PLAAT3: variants seen among roughly 807,000 people sequenced by gnomAD.
PLAAT3 encodes phospholipase A and acyltransferase 3.
In PLAAT3, 21 loss-of-function variants were observed where a neutral mutation model predicts 16.7. The observed-to-expected ratio is 1.26, with a 90% CI of 0.89 to 1.81. The LOEUF (loss-of-function observed/expected upper bound fraction) is 1.81, where lower values mean the gene tolerates loss of function less well. Among genes scored for constraint, PLAAT3 ranks in the 40% most tolerant of loss-of-function variants. The probability of loss-of-function intolerance (pLI) is 0.00; values close to 1 mark genes in which losing one functional copy is unlikely to be tolerated. For missense variants in PLAAT3, 219 were observed against 213.7 expected (o/e 1.02, Z -0.16); for synonymous variants, 76 against 81.7 (o/e 0.93, Z 0.38).
intron 3 of PLAAT3, among the ~76,000 whole-genome samples, chr11:63,596,687 T>C (rs1938296388): frequency 6.6e-6 from 1 of 151,886 alleles, no homozygotes; most frequent in South Asian, 2.1e-4. Context: ...CATGTCAAAC[T>C]GTAATCCCCA....
At position 63,580,970 on chromosome 11, in the gene PLAAT3, G is replaced by C. The variant is rs574492835; in HGVS notation, c.388-5924C>G. ...AATACTTTCATAACTTCTTACACCT[G>C]TCTTTACTGCAATCTCTGAACACAA... On this transcript the variant is annotated intron_variant, in intron 4 of 4. Coordinates refer to ENST00000415826, the MANE Select transcript of PLAAT3 (RefSeq NM_001128203.2). Among the ~76,000 whole-genome samples, 3 of 152,322 alleles carry C rather than the reference G, an allele frequency of 2.0e-5. No individual in the cohort carries two copies. In the South Asian group the frequency reaches 6.2e-4, roughly 32 times the overall value.
At chr11:63,607,065 C>G (rs1938586247) in intron 2 of PLAAT3, among the ~76,000 whole-genome samples, 1 of 152,008 alleles carries the variant, frequency 6.6e-6, no homozygotes, top group Non-Finnish European at 1.5e-5. Context: ...GCTGGATCTC[C>G]TTTGAAGCTG....
At chr11:63,577,167 C>CTT (rs773068565) in intron 4 of PLAAT3, among the ~76,000 whole-genome samples, 3 of 139,486 alleles carry the variant, frequency 2.2e-5, no homozygotes, top group South Asian at 4.6e-4. Flanking sequence ...GGCAAGTGCA[C>CTT]TTTTTTTTTT....
chr11:63,577,038 C>T (rs1285879725), intron 4 of PLAAT3, among the ~76,000 whole-genome samples: 1 of 152,116 alleles, frequency 6.6e-6, no homozygotes, highest in Non-Finnish European at 1.5e-5. Context: ...AATTTAAAAA[C>T]CTAGGGCAAC....
chr11:63,589,545 C>T (rs752678535), intron 4 of PLAAT3, among the ~76,000 whole-genome samples: 13 of 152,018 alleles, frequency 8.6e-5, no homozygotes, highest in Non-Finnish European at 5.9e-5. Flanking sequence ...AAACTGCATC[C>T]CCTAGGGTCT....
At chr11:63,586,074 A>G (rs1937964594) in intron 4 of PLAAT3, among the ~76,000 whole-genome samples, 1 of 152,022 alleles carries the variant, frequency 6.6e-6, no homozygotes, top group Non-Finnish European at 1.5e-5. Context: ...AAAATCAGCC[A>G]GGCATGGTGA....
chr11:63,581,175 C>T (rs1472965864), intron 4 of PLAAT3, among the ~76,000 whole-genome samples: 1 of 152,158 alleles, frequency 6.6e-6, no homozygotes, highest in African/African-American at 2.4e-5. Flanking sequence ...GAAATCAGTG[C>T]ACCCTGAAAA....
At chr11:63,577,059 A>G (rs1384525019) in intron 4 of PLAAT3, among the ~76,000 whole-genome samples, 1 of 152,246 alleles carries the variant, frequency 6.6e-6, no homozygotes, top group Non-Finnish European at 1.5e-5. Flanking sequence ...AACATTTAAC[A>G]AACAGACATT....
chr11:63,603,873 C>A (rs900550355), intron 2 of PLAAT3, among the ~76,000 whole-genome samples: 2 of 152,088 alleles, frequency 1.3e-5, no homozygotes, highest in African/African-American at 2.4e-5. Flanking sequence ...ATTTTTAGGC[C>A]GGGCACAGTG....
At chr11:63,601,025 AAAAT>A (rs945122859) in intron 2 of PLAAT3, among the ~76,000 whole-genome samples, 2 of 150,744 alleles carry the variant, frequency 1.3e-5, no homozygotes, top group Non-Finnish European at 2.9e-5. Context: ...CTAAATTTTA[AAAAT>A]AAATAAAAAT....
intron 4 of PLAAT3, among the ~76,000 whole-genome samples, chr11:63,589,279 G>T (rs1217581935): frequency 6.6e-6 from 1 of 151,696 alleles, no homozygotes; most frequent in South Asian, 2.1e-4. Context: ...GAAGAAATTG[G>T]ATCTCAAAAA....
rs1055559858 is a variant in PLAAT3, at chr11:63,606,764, C to T, written c.15+7236G>A. ...AGGAGGCCAACGAGGCCGGAGTAGG[C>T]GTGCGGGGAGGGCAGAGGGTGGGAA... On this transcript the variant is annotated intron_variant, in intron 2 of 4. Coordinates refer to ENST00000415826, the MANE Select transcript of PLAAT3 (RefSeq NM_001128203.2). Among the ~76,000 whole-genome samples the T allele has an allele frequency of 3.3e-5, 5 of 151,184 alleles. No homozygotes were observed. The South Asian group carries it at 6.5e-4, about 20-fold the overall frequency.
upstream of PLAAT3, among the ~76,000 whole-genome samples, chr11:63,615,080 GTA>G (rs1565259622): frequency 1.1e-3 from 4 of 3,556 alleles, no homozygotes; most frequent in East Asian, 0.1. Flanking sequence ...ATATATGTGT[GTA>G]TATATGTGTA....
intron 2 of PLAAT3, among the ~76,000 whole-genome samples, chr11:63,607,222 C>T (rs1403643225): frequency 6.6e-6 from 1 of 152,180 alleles, no homozygotes; most frequent in African/African-American, 2.4e-5. Context: ...GGCACTCACG[C>T]TGGGCAGCGG....
At chr11:63,589,610 C>T (rs923426316) in intron 4 of PLAAT3, among the ~76,000 whole-genome samples, 5 of 152,152 alleles carry the variant, frequency 3.3e-5, no homozygotes, top group African/African-American at 4.8e-5. Context: ...TTTATAAGCA[C>T]GATCAGGCTA....
At chr11:63,597,391 G>A (rs1048862848) in intron 3 of PLAAT3, among the ~76,000 whole-genome samples, 1 of 152,020 alleles carries the variant, frequency 6.6e-6, no homozygotes, top group African/African-American at 2.4e-5. Flanking sequence ...AGGTGTGGTG[G>A]CAGGCACCTG....
At chr11:63,598,788 G>C in intron 2 of PLAAT3, 1 of 499,630 alleles carries the variant, frequency 2.0e-6, no homozygotes, top group Non-Finnish European at 4.0e-6. Flanking sequence ...ATGGAGAACT[G>C]GCATCAGTCT....
intron 3 of PLAAT3, among the ~76,000 whole-genome samples, chr11:63,592,898 T>C (rs1421035412): frequency 6.6e-6 from 1 of 152,202 alleles, no homozygotes; most frequent in Non-Finnish European, 1.5e-5. Context: ...TCAGTCCTCC[T>C]TGCCTCATCT....
rs569939187 is a variant in PLAAT3 at position 63,607,026 on chromosome 11, G to C, written c.15+6974C>G. 2.3e-4 allele frequency among the ~76,000 whole-genome samples: 35 copies of C among 152,258 alleles called. No individual in the cohort carries two copies. In the East Asian group the frequency reaches 5.0e-3, roughly 22 times the overall value. Reference sequence around the variant, plus strand: ...CCTGCTAGGAGGCAACTGCAGAGAGGGGGGATCTGGGCATGAGTAGTAATG... The same window carrying C: ...CCTGCTAGGAGGCAACTGCAGAGAGCGGGGATCTGGGCATGAGTAGTAATG... On this transcript the variant is annotated intron_variant, in intron 2 of 4. Coordinates refer to ENST00000415826, the MANE Select transcript of PLAAT3 (RefSeq NM_001128203.2).
Sources: gnomAD v4.1 joint callset for allele counts (sites outside exome capture counted in the v4.1 genomes callset) on GRCh38, gnomAD v4.1.1 for gene constraint, MANE v1.5 for transcripts, NCBI Gene and HGNC (gene_info 2026-07-23, HGNC 2026-07-21) for gene names.